RALYL: variants seen among roughly 807,000 people sequenced by gnomAD.
RALYL encodes the protein RNA-binding Raly-like protein.
A neutral mutation model predicts 35.1 loss-of-function variants in RALYL; 29 were observed. The observed-to-expected ratio is 0.83, with a 90% CI of 0.61 to 1.13. The LOEUF is 1.13. Among genes scored for constraint, RALYL ranks in the 50% most tolerant of loss-of-function variants. The pLI, the probability that RALYL is intolerant of heterozygous loss-of-function variation, is 0.00. For synonymous variants in RALYL, 120 were observed against 127.6 expected (o/e 0.94, Z 0.40); for missense variants, 359 against 360.4 (o/e 1.00, Z 0.03).
intron 4 of RALYL, among the ~76,000 whole-genome samples, chr8:84,814,353 GAT>G (rs1826668145): frequency 1.3e-5 from 2 of 152,230 alleles, no homozygotes; most frequent in Middle Eastern, 3.4e-3. Context: ...AATGGGGAAA[GAT>G]AAAAATTGTC....
intron 1 of RALYL, among the ~76,000 whole-genome samples, chr8:84,487,390 T>G (rs1038987534): frequency 9.9e-5 from 15 of 152,116 alleles, no homozygotes; most frequent in African/African-American, 3.6e-4. Context: ...TAAAAGAATT[T>G]TTTAATACAT....
At chr8:84,185,017 A>G (rs1212220984) in intron 1 of RALYL, 1 of 1,613,964 alleles carries the variant, frequency 6.2e-7, no homozygotes, top group Admixed American at 1.7e-5. Flanking sequence ...ACGACGCAGT[A>G]GGTCCTACCC....
chr8:84,621,402 C>T (rs1821426031), intron 2 of RALYL, among the ~76,000 whole-genome samples: 1 of 152,140 alleles, frequency 6.6e-6, no homozygotes, highest in African/African-American at 2.4e-5. Flanking sequence ...GGAAAGGGAA[C>T]TCCCTGACCC....
At chr8:84,560,420 A>G (rs1025251181) in intron 2 of RALYL, among the ~76,000 whole-genome samples, 5 of 152,076 alleles carry the variant, frequency 3.3e-5, no homozygotes, top group African/African-American at 1.2e-4. Flanking sequence ...GGGTATTTCT[A>G]TAGATACCAA....
chr8:84,268,440 A>G (rs916406189), intron 1 of RALYL, among the ~76,000 whole-genome samples: 19 of 152,220 alleles, frequency 1.2e-4, no homozygotes, highest in African/African-American at 4.3e-4. Context: ...TTTTCAGGAA[A>G]TAGAGTAAGC....
At chr8:84,484,159 T>C (rs1349471060) in intron 1 of RALYL, among the ~76,000 whole-genome samples, 1 of 152,100 alleles carries the variant, frequency 6.6e-6, no homozygotes, top group Non-Finnish European at 1.5e-5. Context: ...ACTTTTACAT[T>C]CAATAACTTT....
At chr8:84,916,842 A>G (rs1411276892) in intron 8 of RALYL, among the ~76,000 whole-genome samples, 1 of 152,154 alleles carries the variant, frequency 6.6e-6, no homozygotes, top group Non-Finnish European at 1.5e-5. Flanking sequence ...CTATAAATCA[A>G]TCTTATAAAC....
At position 84,489,651 on chromosome 8, in the gene RALYL, A is replaced by C. The variant is rs114470911; in HGVS notation, c.-23-39648A>C. ...GAGAGTGCTATGGGATCACCTAGAA[A>C]GAGCAACTGAGGAAATTGTAGATAG... On this transcript the variant is annotated intron_variant, in intron 1 of 8. Coordinates refer to ENST00000521268, the MANE Select transcript of RALYL (RefSeq NM_173848.7). Among the ~76,000 whole-genome samples, 798 of 152,170 alleles carry C rather than the reference A, an allele frequency of 5.2e-3. 4 individuals are homozygous for C. Among genetic ancestry groups the C allele is most frequent in the African/African-American group, 0.019 (769 of 41,540 alleles).
At chr8:84,682,522 G>A (rs1474626714) in intron 2 of RALYL, among the ~76,000 whole-genome samples, 1 of 152,184 alleles carries the variant, frequency 6.6e-6, no homozygotes, top group African/African-American at 2.4e-5. Flanking sequence ...TTCAGAGCCT[G>A]TTATTGGTCT....
At chr8:84,872,353 A>G (rs1840346931) in intron 6 of RALYL, 1 of 152,200 alleles carries the variant, frequency 6.6e-6, no homozygotes, top group Non-Finnish European at 1.5e-5. Flanking sequence ...CACTAGAAGT[A>G]ATGAGAAGTT....
At chr8:84,732,668 TTA>T (rs1554553641) in intron 2 of RALYL, among the ~76,000 whole-genome samples, 25 of 132,454 alleles carry the variant, frequency 1.9e-4, no homozygotes, top group Admixed American at 5.8e-4. Flanking sequence ...TATTAAATAA[TTA>T]TATATATATA....
intron 1 of RALYL, among the ~76,000 whole-genome samples, chr8:84,230,716 T>G (rs1825137486): frequency 1.3e-5 from 2 of 152,322 alleles, no homozygotes; most frequent in African/African-American, 4.8e-5. Context: ...CACATTTTTA[T>G]GCCAAGCATT....
At chr8:84,739,644 A>G (rs1847926104) in intron 2 of RALYL, among the ~76,000 whole-genome samples, 1 of 151,854 alleles carries the variant, frequency 6.6e-6, no homozygotes, top group Non-Finnish European at 1.5e-5. Context: ...CACAAACATG[A>G]CAGAAAAGTC....
At position 84,657,559 on chromosome 8, in the gene RALYL, G is replaced by A. The variant is rs183317465; in HGVS notation, c.257-117020G>A. 2.0e-5 allele frequency among the ~76,000 whole-genome samples: 3 copies of A among 152,250 alleles called. No individual in the cohort carries two copies. The East Asian group carries it at 5.8e-4, about 29-fold the overall frequency. Reference sequence around the variant, plus strand: ...TACGTTACCAAGTTCAAAGAGAATAGGAAAGCATCCATCTGCAGATGAATA... The same window carrying A: ...TACGTTACCAAGTTCAAAGAGAATAAGAAAGCATCCATCTGCAGATGAATA... On this transcript the variant is annotated intron_variant, in intron 2 of 8. Transcript: ENST00000521268.
intron 1 of RALYL, among the ~76,000 whole-genome samples, chr8:84,458,510 A>G (rs1411423179): frequency 6.6e-6 from 1 of 151,710 alleles, no homozygotes; most frequent in Non-Finnish European, 1.5e-5. Flanking sequence ...TCAAATTTGG[A>G]CTCACATGAT....
intron 8 of RALYL, among the ~76,000 whole-genome samples, chr8:84,889,659 T>C (rs1250599475): frequency 6.6e-6 from 1 of 152,218 alleles, no homozygotes; most frequent in African/African-American, 2.4e-5. Flanking sequence ...CATGGGACTC[T>C]AGAGTCAAAT....
At position 84,529,456 on chromosome 8, in the gene RALYL, T is replaced by C; in HGVS notation, c.135T>C (p.Tyr45=). 6.2e-7 allele frequency: 1 copy of C among 1,613,700 alleles called. No homozygotes were observed. Among genetic ancestry groups the C allele is most frequent in the Non-Finnish European group, 8.5e-7 (1 of 1,179,802 alleles). ...ACATTGAAGCCATTTTTTCAAAGTATGGAAAAATAGTTGGATGTTCCGTTC... is the reference window on the plus strand; with the variant it reads ...ACATTGAAGCCATTTTTTCAAAGTACGGAAAAATAGTTGGATGTTCCGTTC... The part of the protein sequence containing the change: ...KVDIEAIFSK[Y]GKIVGCSVHK... Residue 45 remains tyrosine (Y), a synonymous_variant, in exon 2 of 9, where the codon TAT becomes TAC. Coordinates refer to ENST00000521268, the MANE Select transcript of RALYL (RefSeq NM_173848.7).
intron 1 of RALYL, among the ~76,000 whole-genome samples, chr8:84,519,501 A>C (rs2058302899): frequency 6.6e-6 from 1 of 152,160 alleles, no homozygotes; most frequent in Non-Finnish European, 1.5e-5. Flanking sequence ...ACTATTTGAA[A>C]ATAATCCAGA....
upstream of RALYL, chr8:84,183,030 C>T (rs1242911893): frequency 6.5e-6 from 1 of 153,018 alleles, no homozygotes; most frequent in Non-Finnish European, 1.5e-5. Context: ...TTGTGCACCT[C>T]CTCTCAAGGC....
Sources: gnomAD v4.1 joint callset for allele counts (sites outside exome capture counted in the v4.1 genomes callset) on GRCh38, gnomAD v4.1.1 for gene constraint, MANE v1.5 for transcripts, NCBI Gene and HGNC (gene_info 2026-07-23, HGNC 2026-07-21) for gene names.